Variants in DTD1 observed in about 807,000 individuals in gnomAD.
DTD1 encodes the protein D-tyrosyl-tRNA deacylase 1 homolog.
Under a neutral mutation model 25.6 loss-of-function variants are expected in DTD1, and 13 were observed. The observed-to-expected ratio is 0.51, with a 90% CI of 0.33 to 0.81. The LOEUF (loss-of-function observed/expected upper bound fraction) is 0.81. Among genes scored for constraint, DTD1 ranks in the 30% least tolerant of loss-of-function variants. DTD1 has a pLI of 0.02. For missense variants in DTD1, 193 were observed against 266.4 expected (o/e 0.72, Z 1.92); for synonymous variants, 110 against 103.6 (o/e 1.06, Z -0.37).
chr20:18,662,727 G>C (rs1160429535), intron 4 of DTD1, among the ~76,000 whole-genome samples: 1 of 152,126 alleles, frequency 6.6e-6, no homozygotes, highest in Non-Finnish European at 1.5e-5. Context: ...GATAATAGGA[G>C]AGAAGTCAAA....
intron 4 of DTD1, among the ~76,000 whole-genome samples, chr20:18,679,135 G>T (rs2060987038): frequency 6.6e-6 from 1 of 152,224 alleles, no homozygotes; most frequent in African/African-American, 2.4e-5. Flanking sequence ...GTTTTCTCAA[G>T]ACCATCCTTT....
chr20:18,761,848 A>G (rs1445236679), intron 5 of DTD1, among the ~76,000 whole-genome samples: 1 of 152,254 alleles, frequency 6.6e-6, no homozygotes, highest in Non-Finnish European at 1.5e-5. Context: ...CACACAATGT[A>G]AGAACAAATG....
chr20:18,645,431 C>T (rs1002141946), intron 4 of DTD1, among the ~76,000 whole-genome samples: 1 of 152,168 alleles, frequency 6.6e-6, no homozygotes, highest in Non-Finnish European at 1.5e-5. Context: ...TGTCTTCCTA[C>T]CAGTTCTGGA....
intron 4 of DTD1, among the ~76,000 whole-genome samples, chr20:18,684,349 T>C (rs895376895): frequency 1.3e-5 from 2 of 151,964 alleles, no homozygotes; most frequent in African/African-American, 4.8e-5. Context: ...TGCAGTGGGG[T>C]GATCTCAGTT....
chr20:18,716,936 A>G (rs574613193), intron 4 of DTD1, among the ~76,000 whole-genome samples: 1 of 152,140 alleles, frequency 6.6e-6, no homozygotes, highest in South Asian at 2.1e-4. Flanking sequence ...TTCATTTATC[A>G]TGAAATGGTG....
At chr20:18,700,641 T>A (rs1159969351) in intron 4 of DTD1, among the ~76,000 whole-genome samples, 1 of 152,120 alleles carries the variant, frequency 6.6e-6, no homozygotes, top group African/African-American at 2.4e-5. Context: ...TGGTACTCAA[T>A]ATGTACTTGT....
At position 18,741,398 on chromosome 20, in the gene DTD1, TG is replaced by T. The variant is rs376926010; in HGVS notation, c.478-2701del. On this transcript the variant is annotated intron_variant, in intron 4 of 5. Coordinates refer to ENST00000377452, the MANE Select transcript of DTD1 (RefSeq NM_080820.6). ...TTACATTCTGACACGAGCATCTTAC[TG>T]TTGCTGGTCCAGGTGTCACGTGCAT... 9.8e-4 allele frequency among the ~76,000 whole-genome samples: 150 copies of T among 152,344 alleles called. 2 individuals carry two copies. The highest frequency in any genetic ancestry group is 3.5e-3 in the African/African-American group (147 of 41,582).
intron 4 of DTD1, among the ~76,000 whole-genome samples, chr20:18,677,365 G>C (rs1308145361): frequency 6.6e-6 from 1 of 151,984 alleles, no homozygotes; most frequent in Non-Finnish European, 1.5e-5. Flanking sequence ...GTTATGTAGG[G>C]AACAGTTCGT....
intron 5 of DTD1, among the ~76,000 whole-genome samples, chr20:18,761,920 C>G (rs942475440): frequency 6.6e-6 from 1 of 152,228 alleles, no homozygotes; most frequent in South Asian, 2.1e-4. Flanking sequence ...GTTGTCTGTT[C>G]TCCACCCACT....
intron 4 of DTD1, among the ~76,000 whole-genome samples, chr20:18,704,001 C>CTTT (rs201452682): frequency 2.2e-5 from 3 of 135,218 alleles, no homozygotes; most frequent in Non-Finnish European, 3.2e-5. Flanking sequence ...TAGTTGGTAG[C>CTTT]TTTTTTTTTT....
chr20:18,657,141 T>C (rs183803397), intron 4 of DTD1, among the ~76,000 whole-genome samples: 3 of 152,350 alleles, frequency 2.0e-5, no homozygotes, highest in Non-Finnish European at 4.4e-5. Flanking sequence ...AAAGCCGTTC[T>C]CAGGTTCCAG....
At chr20:18,714,659 G>A (rs2061173067) in intron 4 of DTD1, among the ~76,000 whole-genome samples, 1 of 152,092 alleles carries the variant, frequency 6.6e-6, no homozygotes, top group African/African-American at 2.4e-5. Context: ...CGTCTAAGTG[G>A]GACACAGTGA....
chr20:18,742,819 G>A (rs1358833844), intron 4 of DTD1, among the ~76,000 whole-genome samples: 1 of 152,220 alleles, frequency 6.6e-6, no homozygotes, highest in Non-Finnish European at 1.5e-5. Context: ...CATAGTGGAA[G>A]AAATGATCTG....
chr20:18,631,310 G>C (rs2060786668), intron 4 of DTD1: 2 of 984,452 alleles, frequency 2.0e-6, no homozygotes, highest in South Asian at 4.7e-5. Flanking sequence ...TGGTGACATA[G>C]AGCATAAAAC....
chr20:18,715,800 A>G (rs1196933191), intron 4 of DTD1, among the ~76,000 whole-genome samples: 1 of 152,280 alleles, frequency 6.6e-6, no homozygotes, highest in Middle Eastern at 3.4e-3. Context: ...GTTGTCATTC[A>G]TAGGCTTCAC....
intron 4 of DTD1, among the ~76,000 whole-genome samples, chr20:18,738,106 T>G (rs1186321698): frequency 6.6e-6 from 1 of 152,176 alleles, no homozygotes; most frequent in Non-Finnish European, 1.5e-5. Context: ...TCTGCTTGGT[T>G]TTCTGCTGTG....
At chr20:18,745,181 C>A (rs2061295326) in intron 5 of DTD1, among the ~76,000 whole-genome samples, 1 of 152,228 alleles carries the variant, frequency 6.6e-6, no homozygotes, top group East Asian at 1.9e-4. Flanking sequence ...GTTCTGAAAT[C>A]CTTCACAGTG....
At chr20:18,696,782 G>A (rs1035172806) in intron 4 of DTD1, among the ~76,000 whole-genome samples, 1 of 151,808 alleles carries the variant, frequency 6.6e-6, no homozygotes, top group South Asian at 2.1e-4. Flanking sequence ...TTGAACTCCC[G>A]ACCTCAGGTG....
chr20:18,611,228 A>G (rs763162719), intron 3 of DTD1: 3 of 152,192 alleles, frequency 2.0e-5, no homozygotes, highest in East Asian at 3.9e-4. Context: ...AAGTCCTACA[A>G]TTATATCAAC....
Sources: allele counts gnomAD v4.1 joint callset (sites outside exome capture counted in the v4.1 genomes callset), GRCh38; gene constraint gnomAD v4.1.1; transcripts MANE v1.5; gene names NCBI Gene and HGNC (gene_info 2026-07-23, HGNC 2026-07-21).